The following FAM227A variants were observed in gnomAD, a reference collection of about 807,000 sequenced individuals.
FAM227A encodes the protein family with sequence similarity 227 member A.
FAM227A carries 80 observed loss-of-function variants against 74.7 expected under a neutral mutation model. The ratio of observed to expected loss-of-function variants is 1.07; its 90% CI spans 0.89 to 1.29. The LOEUF (loss-of-function observed/expected upper bound fraction) is 1.29. Ranked by LOEUF, FAM227A falls within the 50% of genes most tolerant of loss-of-function variation. The pLI is 0.00. For missense variants in FAM227A, 654 were observed against 683.4 expected (o/e 0.96, Z 0.48); for synonymous variants, 237 against 241.8 (o/e 0.98, Z 0.19).
At position 38,583,030 on chromosome 22, in the gene FAM227A, T is replaced by C; in HGVS notation, c.*3095A>G. On this transcript the variant is annotated 3_prime_UTR_variant, in exon 17 of 17. Coordinates refer to ENST00000535113, the MANE Select transcript of FAM227A (RefSeq NM_001013647.2). ...CAAAAGATCCAGAAATAGGAAAGTG[T>C]GGTTCCTAGAGAAACTGCAAATGAA... The C allele has an allele frequency of 1.4e-6, 2 of 1,463,038 alleles. No individual in the cohort carries two copies. The highest frequency in any genetic ancestry group is 1.9e-6 in the Non-Finnish European group (2 of 1,073,036). 90.6% of individuals were successfully genotyped at this position (1,463,038 alleles called of 1,614,324 possible).
intron 4 of FAM227A, 101 bp from the exon 5 acceptor site, chr22:38,638,923 G>T: frequency 1.4e-6 from 1 of 705,342 alleles, no homozygotes. Flanking sequence ...TGAGCTGCCA[G>T]AGGACACTCC....
At chr22:38,643,908 G>T (rs1206996086) in intron 3 of FAM227A, among the ~76,000 whole-genome samples, 1 of 152,170 alleles carries the variant, frequency 6.6e-6, no homozygotes, top group East Asian at 1.9e-4. Flanking sequence ...AGCACTTTCG[G>T]AGGCTGAGGC....
chr22:38,636,454 G>A lies in FAM227A; in HGVS notation c.516C>T (p.Gly172=). ...VVRAERDCLS[G]KHFCSGRELE... The stretch of plus-strand genomic sequence containing the variant: ...GCAGGCACTGCTTTTTCCTCACCTT[G>A]CCACTAAGGCAGTCTCTCTCAGCCC... Residue 172 remains glycine (G), a synonymous_variant, in exon 6 of 17, where the codon GGC becomes GGT. Coordinates refer to ENST00000535113, the MANE Select transcript of FAM227A (RefSeq NM_001013647.2). The A allele has an allele frequency of 1.3e-6, 2 of 1,550,588 alleles. No individual in the cohort carries two copies. The highest frequency in any genetic ancestry group is 2.4e-5 in the East Asian group (1 of 40,876).
chr22:38,647,064 C>T (rs924700935), intron 2 of FAM227A, among the ~76,000 whole-genome samples: 13 of 151,884 alleles, frequency 8.6e-5, no homozygotes, highest in African/African-American at 2.9e-4. Context: ...GCAGGAGAAT[C>T]GCTTGAACCA....
chr22:38,634,678 G>C (rs561873034), intron 6 of FAM227A, among the ~76,000 whole-genome samples: 6 of 152,290 alleles, frequency 3.9e-5, no homozygotes, highest in African/African-American at 1.4e-4. Flanking sequence ...CTGTCCTGTA[G>C]GGAACGTGAT....
chr22:38,649,345 A>G (rs987326685), intron 2 of FAM227A, among the ~76,000 whole-genome samples: 7 of 152,216 alleles, frequency 4.6e-5, no homozygotes, highest in Admixed American at 3.3e-4. Flanking sequence ...CGGGCAGATC[A>G]CCTGAGGTCA....
rs558386750 is a variant in FAM227A, at chr22:38,587,209, T to C, written c.1639-1010A>G. On this transcript the variant is annotated intron_variant, in intron 16 of 16. Transcript: ENST00000535113. The stretch of plus-strand genomic sequence containing the variant: ...ATCAATAACTTCACTTTATGACTTA[T>C]GGGCCTAGCAAAAGAAGCACAAACT... 2.0e-5 allele frequency among the ~76,000 whole-genome samples: 3 copies of C among 152,268 alleles called. No individual in the cohort carries two copies. In the East Asian group the frequency reaches 5.8e-4, roughly 29 times the overall value.
chr22:38,618,439 TTTGTC>T (rs1185351222), intron 11 of FAM227A: 1 of 152,196 alleles, frequency 6.6e-6, no homozygotes, highest in Non-Finnish European at 1.5e-5. Flanking sequence ...CCTCTTTTCC[TTTGTC>T]TTGTCACATC....
chr22:38,619,230 A>T (rs528705343), intron 11 of FAM227A, among the ~76,000 whole-genome samples: 3 of 152,318 alleles, frequency 2.0e-5, no homozygotes, highest in African/African-American at 7.2e-5. Context: ...CAGATGAGCA[A>T]GGCTGTGCAA....
chr22:38,630,381 T>G (rs1245945846), intron 6 of FAM227A, among the ~76,000 whole-genome samples: 1 of 152,246 alleles, frequency 6.6e-6, no homozygotes, highest in Non-Finnish European at 1.5e-5. Context: ...AGTGGAGTGA[T>G]TAAGAGCACA....
chr22:38,626,989 C>G (rs1282306516), intron 8 of FAM227A, among the ~76,000 whole-genome samples: 1 of 143,398 alleles, frequency 7.0e-6, no homozygotes, highest in Non-Finnish European at 1.5e-5. Flanking sequence ...CCTAGCTACT[C>G]AGGAGGCTGA....
At chr22:38,638,178 GAAAT>G (rs944490813) in intron 5 of FAM227A, among the ~76,000 whole-genome samples, 1 of 152,072 alleles carries the variant, frequency 6.6e-6, no homozygotes, top group Non-Finnish European at 1.5e-5. Context: ...AAGAAAAAAA[GAAAT>G]AAAGAACAAG....
At chr22:38,631,891 C>T (rs2091921866) in intron 6 of FAM227A, among the ~76,000 whole-genome samples, 1 of 152,110 alleles carries the variant, frequency 6.6e-6, no homozygotes, top group African/African-American at 2.4e-5. Flanking sequence ...AGGCAGACAG[C>T]GCTGGGCAGA....
intron 15 of FAM227A, among the ~76,000 whole-genome samples, chr22:38,592,964 T>C (rs1418603338): frequency 2.0e-5 from 3 of 152,230 alleles, no homozygotes; most frequent in African/African-American, 7.2e-5. Flanking sequence ...TTTTATTCCA[T>C]GGCTAAAACT....
intron 11 of FAM227A, among the ~76,000 whole-genome samples, chr22:38,613,342 CATATATT>C (rs1253962263): frequency 9.9e-4 from 15 of 15,166 alleles, no homozygotes; most frequent in African/African-American, 3.9e-3. Flanking sequence ...TAATATATAA[CATATATT>C]ATATAATATA....
At chr22:38,623,917 G>A (rs1027031186) in intron 9 of FAM227A, among the ~76,000 whole-genome samples, 1 of 152,280 alleles carries the variant, frequency 6.6e-6, no homozygotes, top group African/African-American at 2.4e-5. Context: ...TGAGACATTT[G>A]AGCCACTATG....
At chr22:38,646,467 T>G (rs1364245772) in intron 2 of FAM227A, among the ~76,000 whole-genome samples, 3 of 150,946 alleles carry the variant, frequency 2.0e-5, no homozygotes, top group African/African-American at 7.3e-5. Context: ...TTTCACCGTT[T>G]TAGCTGGGAT....
chr22:38,594,856 T>C (rs778717085), intron 15 of FAM227A, among the ~76,000 whole-genome samples: 14 of 152,148 alleles, frequency 9.2e-5, no homozygotes, highest in Non-Finnish European at 1.5e-4. Context: ...CCCAGCACTT[T>C]GGGAGGCCGA....
chr22:38,645,420 T>A (rs1054495561), intron 3 of FAM227A, 143 bp downstream of exon 3: 47 of 602,954 alleles, frequency 7.8e-5, no homozygotes, highest in Non-Finnish European at 1.1e-4. Flanking sequence ...TATTAATTTT[T>A]AAAAAAATTA....
Sources: gnomAD v4.1 joint callset for allele counts (sites outside exome capture counted in the v4.1 genomes callset) on GRCh38, gnomAD v4.1.1 for gene constraint, MANE v1.5 for transcripts, NCBI Gene and HGNC (gene_info 2026-07-23, HGNC 2026-07-21) for gene names.